Variants in SP140L observed in about 807,000 individuals in gnomAD.
SP140L encodes the protein nuclear body protein SP140-like protein.
A neutral mutation model predicts 84.3 loss-of-function variants in SP140L; 64 were observed. The observed-to-expected ratio is 0.76, with a 90% confidence interval of 0.62 to 0.94. SP140L has a LOEUF of 0.94. SP140L is among the 40% of genes least tolerant of loss of function. The pLI is 0.00. For synonymous variants in SP140L, 242 were observed against 236.9 expected, an observed-to-expected ratio of 1.02 and a Z score of -0.20; for missense variants, 628 against 692.5, an observed-to-expected ratio of 0.91 and a Z score of 1.05.
chr2:230,382,417 T>C (rs1038728689), intron 7 of SP140L, among the ~76,000 whole-genome samples: 4 of 152,170 alleles, frequency 2.6e-5, no homozygotes, highest in African/African-American at 9.7e-5. Context: ...TTGGAGGTGT[T>C]CCTGCCTTAG....
chr2:230,383,655 C>A, intron 8 of SP140L, 80 bp downstream of exon 8: 1 of 1,383,646 alleles, frequency 7.2e-7, no homozygotes, highest in Non-Finnish European at 1.0e-6. Flanking sequence ...GCCTGCAGTT[C>A]ACGAGGGCCA....
At chr2:230,355,880 G>C (rs1216567397) in intron 2 of SP140L, among the ~76,000 whole-genome samples, 3 of 152,006 alleles carry the variant, frequency 2.0e-5, no homozygotes, top group Non-Finnish European at 4.4e-5. Flanking sequence ...GAAAATAAAA[G>C]GGAAGCTACA....
In SP140L at chr2:230,392,210, C is replaced by A. The variant is rs767595519; in HGVS notation, c.1088C>A (p.Pro363His). Residue 363 changes from proline (P) to histidine (H), a missense_variant, in exon 12 of 19, where the codon CCC becomes CAC. Around this residue, in one of 4 missense-constraint regions of SP140L, gnomAD observed 525 missense variants for 518.4 expected, o/e 1.01. Coordinates refer to ENST00000415673, the MANE Select transcript of SP140L (RefSeq NM_138402.6). ...WRLSVRCGGW[P>H]LRRLMEEGSL... ...CTGAGTGTGCGCTGTGGCGGGTGGC[C>A]CCTACGACGGCTGATGGAGGTATTC... The A allele has an allele frequency of 1.9e-6, 3 of 1,613,790 alleles. No homozygotes were observed. In the African/African-American group the frequency reaches 4.0e-5, roughly 22 times the overall value.
chr2:230,397,331 A>G (rs144787118), intron 14 of SP140L, among the ~76,000 whole-genome samples: 4 of 152,330 alleles, frequency 2.6e-5, no homozygotes, highest in South Asian at 2.1e-4. Flanking sequence ...AAAGGAGTAC[A>G]TACAGGACAA....
intron 2 of SP140L, among the ~76,000 whole-genome samples, chr2:230,347,583 G>A (rs369115013): frequency 1.2e-3 from 181 of 152,228 alleles, no homozygotes; most frequent in African/African-American, 4.2e-3. Context: ...GCTGGCCACT[G>A]AGGCTGGGCA....
chr2:230,385,942 G>A (rs943827650), intron 9 of SP140L, among the ~76,000 whole-genome samples: 3 of 152,170 alleles, frequency 2.0e-5, no homozygotes, highest in African/African-American at 7.2e-5. Flanking sequence ...AGAGAAAGGG[G>A]TGAGATCAGA....
intron 2 of SP140L, among the ~76,000 whole-genome samples, chr2:230,340,506 T>C (rs1432635016): frequency 1.8e-4 from 26 of 145,506 alleles, no homozygotes; most frequent in African/African-American, 6.6e-4. Context: ...AAGTTAATAT[T>C]GTTATGTGTG....
chr2:230,373,303 T>C lies in SP140L; in HGVS notation c.637+1652T>C, dbSNP rs1395674753. On this transcript the variant is annotated intron_variant, in intron 7 of 18. Transcript: ENST00000415673. ...TAAACAGCCTTCCATTGAAAGAAGATTCTGTCTAGAACTGTCATAGGTAGA... is the reference window on the plus strand; with the variant it reads ...TAAACAGCCTTCCATTGAAAGAAGACTCTGTCTAGAACTGTCATAGGTAGA... Among the ~76,000 whole-genome samples the C allele has an allele frequency of 6.6e-5, 10 of 152,346 alleles. No individual in the cohort carries two copies. In the East Asian group the frequency reaches 1.7e-3, roughly 26 times the overall value.
At chr2:230,393,662 G>C (rs946325149) in intron 13 of SP140L, among the ~76,000 whole-genome samples, 10 of 152,146 alleles carry the variant, frequency 6.6e-5, no homozygotes, top group African/African-American at 1.4e-4. Context: ...GTCCTCTTTG[G>C]ATTAAACCGT....
At chr2:230,344,519 T>C (rs911080969) in intron 2 of SP140L, among the ~76,000 whole-genome samples, 2 of 152,288 alleles carry the variant, frequency 1.3e-5, no homozygotes, top group East Asian at 3.9e-4. Context: ...CCCATTTACA[T>C]TTGAGGTTAG....
intron 2 of SP140L, among the ~76,000 whole-genome samples, chr2:230,354,857 G>GAA (rs1369061001): frequency 6.7e-5 from 5 of 74,976 alleles, no homozygotes; most frequent in Admixed American, 1.6e-4. Context: ...AGGAAAGAAA[G>GAA]AAAGAAAGAA....
At chr2:230,368,540 T>A (rs182467635) in intron 5 of SP140L, among the ~76,000 whole-genome samples, 164 of 152,310 alleles carry the variant, frequency 1.1e-3, no homozygotes, top group African/African-American at 3.8e-3. Context: ...TTAAATAATC[T>A]TTCTATCCCT....
chr2:230,351,602 G>A (rs1181393980), intron 2 of SP140L, among the ~76,000 whole-genome samples: 1 of 151,922 alleles, frequency 6.6e-6, no homozygotes, highest in Non-Finnish European at 1.5e-5. Flanking sequence ...ATCTCAAATT[G>A]TTCTTTATTG....
At chr2:230,380,621 A>G (rs1582830) in intron 7 of SP140L, among the ~76,000 whole-genome samples, 107,944 of 152,024 alleles carry the variant, frequency 0.71, 38,900 homozygotes, top group South Asian at 0.76. Context: ...GGTTCCTTAT[A>G]TCCTTTCTGG....
chr2:230,365,271 A>G (rs1240231120), intron 5 of SP140L, among the ~76,000 whole-genome samples: 36 of 152,062 alleles, frequency 2.4e-4, no homozygotes, highest in Non-Finnish European at 5.9e-5. Context: ...CAGTGAAACC[A>G]TCTGGTCCTG....
At position 230,392,173 on chromosome 2, in the gene SP140L, A is replaced by G. The variant is rs1575540402; in HGVS notation, c.1051A>G (p.Lys351Glu). ...AATCAAAGGAGGCTACGCAAGATCAAAGAACTGGAGGCTGAGTGTGCGCTG... is the reference window on the plus strand; with the variant it reads ...AATCAAAGGAGGCTACGCAAGATCAGAGAACTGGAGGCTGAGTGTGCGCTG... The part of the protein sequence containing the change: ...FEIKGGYARS[K>E]NWRLSVRCGG... The change falls in exon 12 of 19, where the codon AAG becomes GAG. Residue 351 changes from lysine to glutamate, a missense_variant. This residue lies in a region of SP140L where 525 missense variants were observed against 518.4 expected (regional missense o/e 1.01). Coordinates refer to ENST00000415673, the MANE Select transcript of SP140L (RefSeq NM_138402.6). 1.9e-6 allele frequency: 3 copies of G among 1,614,102 alleles called. No homozygotes were observed. The highest frequency in any genetic ancestry group is 2.5e-6 in the Non-Finnish European group (3 of 1,179,952).
In SP140L at chr2:230,402,606, T is replaced by C. The variant is rs560661181; in HGVS notation, c.1645-192T>C. 1.2e-3 allele frequency among the ~76,000 whole-genome samples: 189 copies of C among 152,344 alleles called. 3 individuals are homozygous for C. In the South Asian group the frequency reaches 0.014, roughly 12 times the overall value. ...TGAGATGATGAATATGTTAATTAGT[T>C]TGATTTAATTATTCCACATAGCAGT... On this transcript the variant is annotated intron_variant, in intron 18 of 18. Transcript: ENST00000415673.
intron 2 of SP140L, among the ~76,000 whole-genome samples, chr2:230,348,912 C>G (rs1300307028): frequency 6.6e-6 from 1 of 152,194 alleles, no homozygotes; most frequent in Non-Finnish European, 1.5e-5. Context: ...GATCCTTGCT[C>G]ACAAGTTATT....
intron 2 of SP140L, among the ~76,000 whole-genome samples, chr2:230,356,561 G>T (rs923396289): frequency 6.6e-6 from 1 of 152,180 alleles, no homozygotes. Context: ...GACAGCAATG[G>T]TTGCCCCCTG....
Sources: allele counts gnomAD v4.1 joint callset (sites outside exome capture counted in the v4.1 genomes callset), GRCh38; gene constraint gnomAD v4.1.1; regional missense constraint gnomAD v4.1.1; transcripts MANE v1.5; gene names NCBI Gene and HGNC (gene_info 2026-07-23, HGNC 2026-07-21).